MIER1: variants seen among roughly 807,000 people sequenced by gnomAD.
The protein encoded by MIER1 is mesoderm induction early response protein 1.
In MIER1, 40 loss-of-function variants were observed where a neutral mutation model predicts 75.7. The observed-to-expected ratio is 0.53, with a 90% CI of 0.41 to 0.69. The LOEUF (loss-of-function observed/expected upper bound fraction) is 0.69. Ranked by LOEUF, MIER1 falls within the 30% of genes least tolerant of loss-of-function variation. MIER1 has a pLI of 0.00. For synonymous variants in MIER1, 213 were observed against 223.4 expected, an observed-to-expected ratio of 0.95 and a Z score of 0.42; for missense variants, 574 against 680.2, an observed-to-expected ratio of 0.84 and a Z score of 1.74.
intron 2 of MIER1, chr1:66,930,186 T>TCCAGC: frequency 7.4e-7 from 1 of 1,352,438 alleles, no homozygotes; most frequent in South Asian, 1.7e-5. Context: ...TTCCCTCCAG[T>TCCAGC]CCAGCCCAGC....
intron 13 of MIER1, 40 bp downstream of exon 13, chr1:66,981,958 G>C: frequency 6.2e-7 from 1 of 1,605,478 alleles, no homozygotes; most frequent in African/African-American, 1.3e-5. Context: ...TTCATAATAA[G>C]GGACACTTTC....
At chr1:66,970,715 A>T (rs1663420279) in intron 8 of MIER1, 93 bp from the exon 9 acceptor site, 1 of 943,744 alleles carries the variant, frequency 1.1e-6, no homozygotes, top group Non-Finnish European at 1.5e-6. Context: ...AGTTCTCAAC[A>T]TTTGGCTCTG....
intron 10 of MIER1, among the ~76,000 whole-genome samples, chr1:66,972,427 A>G (rs966921722): frequency 6.6e-6 from 1 of 151,842 alleles, no homozygotes; most frequent in African/African-American, 2.4e-5. Flanking sequence ...AGAGGGTGCT[A>G]TTGAAACCTG....
intron 8 of MIER1, among the ~76,000 whole-genome samples, chr1:66,967,186 G>A (rs1662598144): frequency 6.6e-6 from 1 of 152,096 alleles, no homozygotes; most frequent in African/African-American, 2.4e-5. Context: ...TTTTGTGTGT[G>A]ACAAGATATA....
At chr1:66,970,104 C>T (rs1327849343) in intron 8 of MIER1, among the ~76,000 whole-genome samples, 1 of 152,192 alleles carries the variant, frequency 6.6e-6, no homozygotes, top group Non-Finnish European at 1.5e-5. Flanking sequence ...TGGAATTCCA[C>T]AGGCTTTGTC....
intron 4 of MIER1, among the ~76,000 whole-genome samples, chr1:66,957,717 T>TA (rs1660452031): frequency 6.6e-6 from 1 of 152,008 alleles, no homozygotes; most frequent in Non-Finnish European, 1.5e-5. Context: ...TATGGTACTC[T>TA]TATTAAGAGT....
chr1:66,984,711 C>T lies in MIER1; in HGVS notation c.1509C>T (p.Asn503=). 1 of 1,613,940 alleles carries T rather than the reference C, an allele frequency of 6.2e-7. No homozygotes were observed. The highest frequency in any genetic ancestry group is 8.5e-7 in the Non-Finnish European group (1 of 1,179,934). Residue 503 remains asparagine (N), a synonymous_variant, in exon 14 of 14, where the codon AAC becomes AAT. Coordinates refer to ENST00000401041, the MANE Select transcript of MIER1 (RefSeq NM_001077700.3). ...ATACTAATGGTTATGAAACAGATAACCTTACCACTGACCCAAAACTTGCCC... is the reference window on the plus strand; with the variant it reads ...ATACTAATGGTTATGAAACAGATAATCTTACCACTGACCCAAAACTTGCCC... ...DMDTNGYETD[N]LTTDPKLAHM...
At chr1:66,974,283 G>A (rs1170424140) in intron 11 of MIER1, among the ~76,000 whole-genome samples, 1 of 151,920 alleles carries the variant, frequency 6.6e-6, no homozygotes, top group Non-Finnish European at 1.5e-5. Context: ...CCCTAATGTT[G>A]TGTTCATATC....
intron 10 of MIER1, 22 bp from the exon 11 acceptor site, chr1:66,972,874 GT>G (rs1159149452): frequency 7.9e-7 from 1 of 1,272,268 alleles, no homozygotes; most frequent in Admixed American, 1.8e-5. Context: ...TTGCTTAACA[GT>G]TTGTTCCTCC....
At chr1:66,925,411 T>C (rs1008995058) in intron 1 of MIER1, 17 of 985,428 alleles carry the variant, frequency 1.7e-5, no homozygotes, top group Non-Finnish European at 1.9e-5. Context: ...TTCGCTTCGG[T>C]CCCTGATCCC....
chr1:66,925,280 C>T (rs1651266431), intron 1 of MIER1, 185 bp downstream of exon 1: 1 of 984,532 alleles, frequency 1.0e-6, no homozygotes, highest in Non-Finnish European at 1.2e-6. Context: ...CGCCGGCTGC[C>T]AAAGGCGCAT....
intron 2 of MIER1, chr1:66,930,376 C>G (rs377376255): frequency 1.5e-4 from 242 of 1,607,898 alleles, no homozygotes; most frequent in Non-Finnish European, 1.9e-4. Context: ...AGATGTGACC[C>G]GGCAGTACGG....
chr1:66,958,162 G>A lies in MIER1; in HGVS notation c.443G>A (p.Gly148Asp), dbSNP rs550809611. ...DEEEEEEEEE[G>D]EDDEDADNDD... ...GAAGAGGAAGAAGAGGAAGAAGAAG[G>A]TGAAGATGATGAAGATGCTGATAAT... Residue 148 changes from glycine (G) to aspartate (D), a missense_variant, in exon 5 of 14, where the codon GGT (glycine) becomes GAT (aspartate). Gly to Asp is a moderately conservative substitution (Grantham distance 94). Coordinates refer to ENST00000401041, the MANE Select transcript of MIER1 (RefSeq NM_001077700.3). The A allele has an allele frequency of 7.2e-5, 115 of 1,602,578 alleles. No individual in the cohort carries two copies. In the South Asian group the frequency reaches 9.4e-4, roughly 13 times the overall value.
Position 66,986,543 on chromosome 1 carries a change from T to G in MIER1, c.*1643T>G. On this transcript the variant is annotated 3_prime_UTR_variant, in exon 14 of 14. Transcript: ENST00000401041. ...TTGAGTGAAGGTTTGCACTGAGAAA[T>G]TAGCATTCAGGCCTTACCCCCATGA... 8.3e-7 allele frequency: 1 copy of G among 1,198,110 alleles called. No individual in the cohort carries two copies. The highest frequency in any genetic ancestry group is 1.2e-5 in the South Asian group (1 of 81,240). The allele number at this position is 1,198,110 out of a possible 1,614,324, so 74.2% of individuals were successfully genotyped here. A position where few individuals can be genotyped will look rare whatever the true frequency, so the allele number is the denominator to read the frequency against.
intron 2 of MIER1, among the ~76,000 whole-genome samples, chr1:66,937,432 A>G (rs1378948714): frequency 6.6e-6 from 1 of 152,074 alleles, no homozygotes; most frequent in Non-Finnish European, 1.5e-5. Context: ...TAAAAACACA[A>G]AAGTTAGCGA....
In MIER1 at chr1:66,986,963, A is replaced by C. The variant is rs2102172392; in HGVS notation, c.*2063A>C. ...TTGCAGTGTTGGAGATGCCATTTTC[A>C]CCTTTTTAAAAAGATGCATTTTATT... is the stretch of plus-strand genomic sequence containing the variant. On this transcript the variant is annotated 3_prime_UTR_variant, in exon 14 of 14. Coordinates refer to ENST00000401041, the MANE Select transcript of MIER1 (RefSeq NM_001077700.3). The C allele has an allele frequency of 6.8e-6, 1 of 146,464 alleles. No homozygotes were observed. The highest frequency in any genetic ancestry group is 6.8e-5 in the Admixed American group (1 of 14,650). The allele number at this position is 146,464 out of a possible 1,614,324, so 9.1% of individuals were successfully genotyped here. A position where few individuals can be genotyped will look rare whatever the true frequency, so the allele number is the denominator to read the frequency against.
chr1:66,927,313 T>C (rs1652064143), intron 2 of MIER1, among the ~76,000 whole-genome samples: 1 of 152,068 alleles, frequency 6.6e-6, no homozygotes, highest in Non-Finnish European at 1.5e-5. Context: ...TGTATAGTGG[T>C]TTTTTGTTTT....
At chr1:66,925,644 G>A in intron 1 of MIER1, 4 of 688,126 alleles carry the variant, frequency 5.8e-6, no homozygotes, top group Non-Finnish European at 7.2e-6. Flanking sequence ...GCGCGTGGGA[G>A]GATCCCTTGG....
intron 11 of MIER1, among the ~76,000 whole-genome samples, chr1:66,973,494 A>G (rs1394107925): frequency 6.6e-6 from 1 of 152,044 alleles, no homozygotes; most frequent in African/African-American, 2.4e-5. Flanking sequence ...AATCAGCTTT[A>G]TATTCTTATA....
Sources: gnomAD v4.1 joint callset for allele counts (sites outside exome capture counted in the v4.1 genomes callset) on GRCh38, gnomAD v4.1.1 for gene constraint, MANE v1.5 for transcripts, NCBI Gene and HGNC (gene_info 2026-07-23, HGNC 2026-07-21) for gene names.